The following LYPD6 variants were observed in gnomAD, a reference collection of about 807,000 sequenced individuals.
The protein encoded by LYPD6 is LY6/PLAUR domain containing 6.
Under a neutral mutation model 22.7 loss-of-function variants are expected in LYPD6, and 15 were observed. The ratio of observed to expected loss-of-function variants is 0.66; its 90% confidence interval spans 0.44 to 1.02. The LOEUF (loss-of-function observed/expected upper bound fraction) is 1.02. Ranked by LOEUF, LYPD6 falls within the 50% of genes least tolerant of loss-of-function variation. LYPD6 has a pLI of 0.00. For missense variants in LYPD6, 189 were observed against 208.4 expected, an observed-to-expected ratio of 0.91 and a Z score of 0.57; for synonymous variants, 72 against 77.5, an observed-to-expected ratio of 0.93 and a Z score of 0.37.
intron 2 of LYPD6, among the ~76,000 whole-genome samples, chr2:149,446,318 G>A (rs1197801436): frequency 6.6e-6 from 1 of 152,152 alleles, no homozygotes; most frequent in African/African-American, 2.4e-5. Flanking sequence ...AAGTGAGCAC[G>A]TGCAATTGGA....
intron 1 of LYPD6, among the ~76,000 whole-genome samples, chr2:149,337,605 T>A (rs911125582): frequency 2.0e-5 from 3 of 151,902 alleles, no homozygotes; most frequent in Non-Finnish European, 4.4e-5. Flanking sequence ...CCAGTGTATA[T>A]AATCCCAGTT....
At chr2:149,399,071 T>C (rs910891227) in intron 1 of LYPD6, among the ~76,000 whole-genome samples, 3 of 152,056 alleles carry the variant, frequency 2.0e-5, no homozygotes, top group African/African-American at 7.2e-5. Context: ...AGTTATGTAG[T>C]TGAATGGAGA....
At chr2:149,411,851 A>T (rs1682855326) in intron 1 of LYPD6, among the ~76,000 whole-genome samples, 1 of 152,226 alleles carries the variant, frequency 6.6e-6, no homozygotes, top group Non-Finnish European at 1.5e-5. Flanking sequence ...TAAAGGTTAG[A>T]CATAGAGCCC....
At chr2:149,389,683 T>A (rs1446062026) in intron 1 of LYPD6, among the ~76,000 whole-genome samples, 2 of 152,170 alleles carry the variant, frequency 1.3e-5, no homozygotes, top group Admixed American at 1.3e-4. Context: ...GGTATCTTTA[T>A]TTTTGGTCTG....
intron 3 of LYPD6, among the ~76,000 whole-genome samples, chr2:149,452,619 G>A (rs189576158): frequency 4.1e-4 from 62 of 152,132 alleles, no homozygotes; most frequent in Admixed American, 1.3e-3. Flanking sequence ...TTTGTTGAAA[G>A]TGAAAAAAAT....
intron 1 of LYPD6, among the ~76,000 whole-genome samples, chr2:149,360,342 C>A (rs1302605066): frequency 6.6e-6 from 1 of 152,152 alleles, no homozygotes; most frequent in Non-Finnish European, 1.5e-5. Context: ...ATGCCTTAAT[C>A]TCCTGGGAAT....
intron 1 of LYPD6, among the ~76,000 whole-genome samples, chr2:149,433,005 T>C (rs1467775539): frequency 6.6e-6 from 1 of 152,218 alleles, no homozygotes; most frequent in Non-Finnish European, 1.5e-5. Context: ...TGTAAATGAA[T>C]ATTAAAACAC....
intron 1 of LYPD6, among the ~76,000 whole-genome samples, chr2:149,417,143 C>A (rs1019916483): frequency 2.3e-4 from 35 of 152,254 alleles, no homozygotes; most frequent in African/African-American, 8.2e-4. Flanking sequence ...ATCACATGGG[C>A]AACACTCCAT....
At chr2:149,414,065 GT>G (rs1682910989) in intron 1 of LYPD6, among the ~76,000 whole-genome samples, 1 of 152,150 alleles carries the variant, frequency 6.6e-6, no homozygotes, top group Non-Finnish European at 1.5e-5. Context: ...TTGGTGTTGT[GT>G]TTGTATATTT....
At chr2:149,377,122 A>C (rs1681938612) in intron 1 of LYPD6, among the ~76,000 whole-genome samples, 1 of 152,184 alleles carries the variant, frequency 6.6e-6, no homozygotes, top group Non-Finnish European at 1.5e-5. Context: ...CTGGTTTAGA[A>C]CTTTGTCTAA....
chr2:149,411,311 T>A (rs1328401770), intron 1 of LYPD6, among the ~76,000 whole-genome samples: 1 of 152,238 alleles, frequency 6.6e-6, no homozygotes, highest in Non-Finnish European at 1.5e-5. Flanking sequence ...TGTATTTTTT[T>A]TTTTTATAAA....
chr2:149,433,474 T>C (rs927662709), intron 1 of LYPD6, among the ~76,000 whole-genome samples: 1 of 152,212 alleles, frequency 6.6e-6, no homozygotes, highest in Non-Finnish European at 1.5e-5. Flanking sequence ...GATATTGCCA[T>C]ACAGTCAGGA....
At chr2:149,470,421 T>C (rs2105184445) in intron 4 of LYPD6, among the ~76,000 whole-genome samples, 1 of 152,278 alleles carries the variant, frequency 6.6e-6, no homozygotes, top group Non-Finnish European at 1.5e-5. Context: ...CTATACACCT[T>C]TGTAAGAATC....
chr2:149,356,422 G>T (rs938595264), intron 1 of LYPD6, among the ~76,000 whole-genome samples: 2 of 152,104 alleles, frequency 1.3e-5, no homozygotes, highest in African/African-American at 4.8e-5. Flanking sequence ...TCAAACACAC[G>T]AGATGTTTTC....
intron 1 of LYPD6, among the ~76,000 whole-genome samples, chr2:149,376,585 T>C (rs1681927155): frequency 6.6e-6 from 1 of 152,196 alleles, no homozygotes; most frequent in Non-Finnish European, 1.5e-5. Context: ...TAAATGCAAT[T>C]AATAATATTG....
the LYPD6 span, among the ~76,000 whole-genome samples, chr2:149,482,052 C>T: frequency 2.0e-5 from 3 of 151,966 alleles, no homozygotes; most frequent in Non-Finnish European, 4.4e-5. Context: ...GAATCCTACC[C>T]CCAGAGATGC....
intron 1 of LYPD6, among the ~76,000 whole-genome samples, chr2:149,345,860 A>G (rs982821064): frequency 1.3e-5 from 2 of 152,184 alleles, no homozygotes; most frequent in Admixed American, 6.5e-5. Context: ...CTTTGCTCTG[A>G]GGTCTCGTAG....
chr2:149,456,574 T>A (rs1573822866), intron 3 of LYPD6, among the ~76,000 whole-genome samples: 1 of 152,250 alleles, frequency 6.6e-6, no homozygotes, highest in South Asian at 2.1e-4. Flanking sequence ...TTAAGTGAGG[T>A]CATTCAGGTG....
chr2:149,375,400 A>T (rs1005841345), intron 1 of LYPD6, among the ~76,000 whole-genome samples: 1 of 152,040 alleles, frequency 6.6e-6, no homozygotes, highest in Non-Finnish European at 1.5e-5. Flanking sequence ...TGAAGGAATG[A>T]TGATGATGAT....
Sources: allele counts gnomAD v4.1 joint callset (sites outside exome capture counted in the v4.1 genomes callset), GRCh38; gene constraint gnomAD v4.1.1; transcripts MANE v1.5; gene names NCBI Gene and HGNC (gene_info 2026-07-23, HGNC 2026-07-21).